MALAT1: variants seen among roughly 807,000 people sequenced by gnomAD.
MALAT1 encodes hepcarcin.
chr11:65,499,257 G>GAGT (rs1854479638), exon 3 of MALAT1: 1 of 513,020 alleles, frequency 1.9e-6, no homozygotes, highest in South Asian at 1.4e-5. Flanking sequence ...AGACTTAGAA[G>GAGT]AGTAGCATGA....
exon 3 of MALAT1, chr11:65,499,066 A>G (rs376467321): frequency 1.3e-4 from 67 of 518,140 alleles, no homozygotes; most frequent in African/African-American, 5.0e-4. Flanking sequence ...CAGCCAGCGC[A>G]GGGGCTTCTG....
exon 3 of MALAT1, chr11:65,499,904 T>C (rs757386304): frequency 4.7e-6 from 2 of 429,202 alleles, no homozygotes; most frequent in African/African-American, 2.1e-5. Flanking sequence ...AGATAGAAAA[T>C]GAAAAACAAG....
At chr11:65,498,298 G>A (rs1590698509) in intron 1 of MALAT1, 1 of 518,502 alleles carries the variant, frequency 1.9e-6, no homozygotes, top group South Asian at 1.4e-5. Context: ...GAGCCTGGAA[G>A]CTGAAAAACG....
intron 1 of MALAT1, chr11:65,498,445 C>T (rs1191363573): frequency 5.8e-6 from 3 of 518,458 alleles, no homozygotes; most frequent in Middle Eastern, 3.2e-4. Context: ...AGGCGTTTTC[C>T]AAGAGTGGGT....
exon 3 of MALAT1, chr11:65,503,439 A>G (rs113847292): frequency 4.4e-5 from 23 of 517,618 alleles, no homozygotes; most frequent in African/African-American, 3.1e-4. Flanking sequence ...AAAAGCCTCT[A>G]AAGTGATCAG....
exon 3 of MALAT1, chr11:65,499,966 A>G: frequency 2.3e-6 from 1 of 428,488 alleles, no homozygotes; most frequent in Non-Finnish European, 4.5e-6. Flanking sequence ...AAAGCCAAAA[A>G]TTGGATAAAA....
chr11:65,499,155 T>A (rs565515899), exon 3 of MALAT1: 1 of 512,674 alleles, frequency 2.0e-6, no homozygotes, highest in East Asian at 5.5e-5. Flanking sequence ...TACAACTACT[T>A]AAAAAATATA....
exon 3 of MALAT1, chr11:65,502,373 T>TGGTA (rs749471524): frequency 2.0e-6 from 1 of 510,380 alleles, no homozygotes; most frequent in Non-Finnish European, 3.9e-6. Context: ...TTTCTTCTGA[T>TGGTA]GGTAGCTTTT....
exon 3 of MALAT1, chr11:65,499,339 G>A: frequency 2.0e-6 from 1 of 498,438 alleles, no homozygotes; most frequent in South Asian, 1.5e-5. Flanking sequence ...AGTAAAAAAT[G>A]TATTTAAAAG....
At chr11:65,502,816 A>G (rs750397906) in exon 3 of MALAT1, 2 of 509,898 alleles carry the variant, frequency 3.9e-6, no homozygotes. Flanking sequence ...CATTATCTGC[A>G]TATGCCAAAA....
chr11:65,503,606 TAAA>T (rs771478626), exon 3 of MALAT1: 3 of 508,374 alleles, frequency 5.9e-6, no homozygotes, highest in African/African-American at 2.0e-5. Context: ...TTCAAAATAA[TAAA>T]CTATTTTTAT....
exon 3 of MALAT1, chr11:65,501,638 G>A (rs568788053): frequency 5.8e-6 from 3 of 518,946 alleles, no homozygotes; most frequent in Non-Finnish European, 1.2e-5. Context: ...GGAGTGTACC[G>A]CTGTGCTGTT....
exon 3 of MALAT1, chr11:65,499,078 T>C (rs374669413): frequency 6.8e-5 from 35 of 518,338 alleles, no homozygotes; most frequent in Admixed American, 1.2e-4. Flanking sequence ...GGGCTTCTGC[T>C]GAGGGGGCAG....
chr11:65,505,493 C>CT (rs1854662995), intron 3 of MALAT1: 2 of 515,376 alleles, frequency 3.9e-6, no homozygotes, highest in African/African-American at 3.9e-5. Context: ...CGGGCAACCA[C>CT]TTTTCCCTAG....
chr11:65,504,203 T>G (rs1271393561), intron 3 of MALAT1: 2 of 518,024 alleles, frequency 3.9e-6, no homozygotes, highest in East Asian at 1.1e-4. Context: ...TTCCTTCTGT[T>G]CTAGTGAGTG....
chr11:65,504,404 C>G, intron 3 of MALAT1: 1 of 518,570 alleles, frequency 1.9e-6, no homozygotes, highest in Non-Finnish European at 3.8e-6. Context: ...GTTCTGATCC[C>G]GCTGCTATTA....
chr11:65,503,273 C>T (rs367865679), exon 3 of MALAT1: 3 of 517,288 alleles, frequency 5.8e-6, no homozygotes, highest in Admixed American at 2.0e-5. Flanking sequence ...TAAATATCAA[C>T]CATGGCACTT....
chr11:65,499,413 T>A (rs752928066), exon 3 of MALAT1: 5 of 483,628 alleles, frequency 1.0e-5, no homozygotes, highest in Admixed American at 2.2e-5. Flanking sequence ...TGCTTTTAGA[T>A]TAAAATGAAG....
At chr11:65,506,273 G>A (rs1309906460) in exon 4 of MALAT1, 1 of 453,632 alleles carries the variant, frequency 2.2e-6, no homozygotes, top group Non-Finnish European at 4.2e-6. Flanking sequence ...GGAGGTAACA[G>A]CACAATATCT....
Sources: gnomAD v4.1 joint callset for allele counts on GRCh38, gnomAD v4.1.1 for gene constraint, MANE v1.5 for transcripts, NCBI Gene and HGNC (gene_info 2026-07-23, HGNC 2026-07-21) for gene names.